Variants in KMT5A observed in about 807,000 individuals in gnomAD.
The protein encoded by KMT5A is lysine methyltransferase 5A.
A neutral mutation model predicts 40.6 loss-of-function variants in KMT5A; 6 were observed. The observed-to-expected ratio is 0.15, with a 90% CI of 0.08 to 0.29. KMT5A has a LOEUF of 0.29. Ranked by LOEUF, KMT5A falls within the 10% of genes least tolerant of loss-of-function variation. KMT5A has a pLI of 1.00. For synonymous variants in KMT5A, 153 were observed against 178.8 expected (o/e 0.86, Z 1.15); for missense variants, 308 against 459.1 (o/e 0.67, Z 3.01).
chr12:123,389,943 G>A, intron 2 of KMT5A: 1 of 411,252 alleles, frequency 2.4e-6, no homozygotes, highest in Non-Finnish European at 4.8e-6. Flanking sequence ...CAGAGGAGGG[G>A]CCCCACGCCC....
intron 4 of KMT5A, 29 bp from the exon 5 acceptor site, chr12:123,396,316 T>C: frequency 6.2e-7 from 1 of 1,609,944 alleles, no homozygotes; most frequent in Non-Finnish European, 8.5e-7. Context: ...GTCCTGATAT[T>C]TATTTTCTCC....
chr12:123,396,121 C>G (rs1392195488), intron 4 of KMT5A, among the ~76,000 whole-genome samples: 3 of 152,192 alleles, frequency 2.0e-5, no homozygotes, highest in South Asian at 4.1e-4. Flanking sequence ...GTTGGCATTA[C>G]AGGCATGAGG....
At position 123,404,895 on chromosome 12, in the gene KMT5A, C is replaced by T. The variant is rs144240533; in HGVS notation, c.669C>T (p.Ile223=). ...TTATCACCTGACAGATTGACCTCAT[C>T]GATGGCAAAGGCAGGGGTGTGATTG... The part of the protein sequence containing the change: ...GKEEGMKIDL[I]DGKGRGVIAT... The change falls in exon 7 of 8, where the codon ATC becomes ATT. Residue 223 remains isoleucine (I), a synonymous_variant. Coordinates refer to ENST00000402868, the MANE Select transcript of KMT5A (RefSeq NM_020382.7). 6.5e-5 allele frequency: 104 copies of T among 1,612,328 alleles called. No homozygotes were observed. In the African/African-American group the frequency reaches 9.1e-4, roughly 14 times the overall value.
intron 3 of KMT5A, among the ~76,000 whole-genome samples, chr12:123,394,832 C>T (rs1050903115): frequency 6.6e-6 from 1 of 152,260 alleles, no homozygotes; most frequent in South Asian, 2.1e-4. Context: ...AGCCTAAAAC[C>T]TCTGCCCAGT....
At chr12:123,399,784 C>A (rs1005578317) in intron 5 of KMT5A, among the ~76,000 whole-genome samples, 2 of 152,172 alleles carry the variant, frequency 1.3e-5, no homozygotes, top group African/African-American at 4.8e-5. Context: ...TCAGTACCAA[C>A]CTGGGCAACA....
intron 1 of KMT5A, among the ~76,000 whole-genome samples, chr12:123,385,202 G>A (rs1220777575): frequency 6.6e-6 from 1 of 152,114 alleles, no homozygotes; most frequent in East Asian, 1.9e-4. Flanking sequence ...TTCAGGCCCT[G>A]AAGTCAGTTG....
At position 123,403,551 on chromosome 12, in the gene KMT5A, G is replaced by A. The variant is rs752235630; in HGVS notation, c.598-22G>A. On this transcript the variant is annotated intron_variant, in intron 5 of 7. Transcript: ENST00000402868. ...GGGCCTAGGAGAAGATACTGATGCT[G>A]TTTTTCTTTCTCTCTGCCCAGTCTG... The A allele has an allele frequency of 1.1e-5, 17 of 1,613,948 alleles. No individual in the cohort carries two copies. In the South Asian group the frequency reaches 1.8e-4, roughly 17 times the overall value.
chr12:123,400,242 A>C (rs1258746357), intron 5 of KMT5A, among the ~76,000 whole-genome samples: 11 of 137,082 alleles, frequency 8.0e-5, no homozygotes, highest in Non-Finnish European at 1.5e-4. Flanking sequence ...TCACCGTGTT[A>C]GCCAGGATGG....
chr12:123,390,163 C>G, intron 2 of KMT5A: 1 of 464,646 alleles, frequency 2.2e-6, no homozygotes, highest in Non-Finnish European at 4.4e-6. Context: ...CAGGCTCCGG[C>G]GCTCATGGGG....
chr12:123,389,617 G>T, intron 2 of KMT5A, 63 bp downstream of exon 2: 1 of 1,036,310 alleles, frequency 9.6e-7, no homozygotes, highest in Non-Finnish European at 1.2e-6. Flanking sequence ...GCGAGCACAT[G>T]GGCGACCCCG....
At chr12:123,385,661 G>A (rs1321448135) in intron 1 of KMT5A, among the ~76,000 whole-genome samples, 1 of 152,124 alleles carries the variant, frequency 6.6e-6, no homozygotes, top group African/African-American at 2.4e-5. Context: ...AGACCAGTCT[G>A]ACCAACATGG....
chr12:123,390,340 C>G (rs1009377760), intron 2 of KMT5A, among the ~76,000 whole-genome samples: 1 of 152,172 alleles, frequency 6.6e-6, no homozygotes, highest in Non-Finnish European at 1.5e-5. Context: ...CTCCCTGTTG[C>G]GGGTAGGCTG....
chr12:123,386,652 C>T (rs975303041), intron 1 of KMT5A, among the ~76,000 whole-genome samples: 1 of 152,142 alleles, frequency 6.6e-6, no homozygotes, highest in African/African-American at 2.4e-5. Flanking sequence ...GGTCAGATGC[C>T]AGGCAACACC....
At chr12:123,387,580 T>C (rs1876951723) in intron 1 of KMT5A, among the ~76,000 whole-genome samples, 1 of 152,254 alleles carries the variant, frequency 6.6e-6, no homozygotes, top group Non-Finnish European at 1.5e-5. Context: ...GCAGAGGGCA[T>C]AGGCAGAGTA....
At chr12:123,392,202 A>C (rs923521473) in intron 3 of KMT5A, among the ~76,000 whole-genome samples, 1 of 152,144 alleles carries the variant, frequency 6.6e-6, no homozygotes, top group Non-Finnish European at 1.5e-5. Context: ...TGGCACTTAG[A>C]ATTCCTGCCC....
At chr12:123,398,246 C>A (rs1877886944) in intron 5 of KMT5A, among the ~76,000 whole-genome samples, 2 of 151,632 alleles carry the variant, frequency 1.3e-5, no homozygotes, top group African/African-American at 4.8e-5. Flanking sequence ...CGCGCCACCG[C>A]ACTCCATCTT....
chr12:123,389,539 GC>G lies in KMT5A; in HGVS notation c.121del (p.Arg41AlafsTer18). 2 of 1,097,466 alleles carry G rather than the reference GC, an allele frequency of 1.8e-6. No individual in the cohort carries two copies. Among genetic ancestry groups the G allele is most frequent in the Non-Finnish European group, 1.1e-6 (1 of 904,034 alleles). The allele number at this position is 1,097,466 out of a possible 1,614,324, so 68.0% of individuals were successfully genotyped here. On this transcript the variant is annotated frameshift_variant, in exon 2 of 8. Transcript: ENST00000402868. LOFTEE classifies it high-confidence loss of function. ...TGGTGGAGCGGAGGGGCCCGGGGAG[GC>G]CCCGCACCGACGGGGTAAGCAGGCA... The part of the protein sequence containing the change: ...EMVERRGPGR[P>X]RTDGENVFTG...
At chr12:123,405,517 C>CTTT (rs35093204) in intron 7 of KMT5A, among the ~76,000 whole-genome samples, 2 of 78,026 alleles carry the variant, frequency 2.6e-5, no homozygotes, top group African/African-American at 5.8e-5. Flanking sequence ...CGCCTGCTTC[C>CTTT]TTTTTTTTTT....
In KMT5A at chr12:123,405,007, C is replaced by G. The variant is rs377305480; in HGVS notation, c.781C>G (p.Leu261Val). The G allele has an allele frequency of 6.2e-7, 1 of 1,614,158 alleles. No homozygotes were observed. Among genetic ancestry groups the G allele is most frequent in the Non-Finnish European group, 8.5e-7 (1 of 1,180,022 alleles). ...EITDAKKREA[L>V]YAQDPSTGCY... is the part of the protein sequence containing the mutation. Reference sequence around the variant, plus strand: ...CACCGACGCCAAGAAACGGGAGGCTCTGTACGCACAGGACCCTTCCACGGG... The same window carrying G: ...CACCGACGCCAAGAAACGGGAGGCTGTGTACGCACAGGACCCTTCCACGGG... The change falls in exon 7 of 8, where the codon CTG becomes GTG. Residue 261 changes from leucine (L) to valine (V), a missense_variant. Transcript: ENST00000402868.
Sources: allele counts gnomAD v4.1 joint callset (sites outside exome capture counted in the v4.1 genomes callset), GRCh38; gene constraint gnomAD v4.1.1; transcripts MANE v1.5; gene names NCBI Gene and HGNC (gene_info 2026-07-23, HGNC 2026-07-21).